Variants in RANBP9 observed in about 807,000 individuals in gnomAD.
RANBP9 encodes the protein ran-binding protein 9.
Under a neutral mutation model 84.3 loss-of-function variants are expected in RANBP9, and 15 were observed. The observed-to-expected ratio is 0.18, with a 90% CI of 0.12 to 0.27. The LOEUF is 0.27. Ranked by LOEUF, RANBP9 falls within the 10% of genes least tolerant of loss-of-function variation. The probability of loss-of-function intolerance (pLI) is 1.00; values close to 1 mark genes in which losing one functional copy is unlikely to be tolerated. For synonymous variants in RANBP9, 392 were observed against 349.6 expected (o/e 1.12, Z -1.35); for missense variants, 809 against 912.8 (o/e 0.89, Z 1.46).
At chr6:13,690,000 T>C (rs1766286076) in intron 2 of RANBP9, among the ~76,000 whole-genome samples, 1 of 152,204 alleles carries the variant, frequency 6.6e-6, no homozygotes. Flanking sequence ...AGCCCAGGTA[T>C]GTAGTAGGCT....
chr6:13,628,156 A>G (rs1173053067), intron 12 of RANBP9, among the ~76,000 whole-genome samples: 1 of 152,256 alleles, frequency 6.6e-6, no homozygotes, highest in Non-Finnish European at 1.5e-5. Flanking sequence ...CTAGAGAAGC[A>G]AACTGAGGCA....
intron 2 of RANBP9, among the ~76,000 whole-genome samples, chr6:13,692,508 C>G (rs1562320713): frequency 2.2e-5 from 2 of 89,000 alleles, no homozygotes; most frequent in African/African-American, 8.9e-5. Flanking sequence ...GCCTGGGCAA[C>G]AAGAGCGAAA....
chr6:13,637,345 T>C (rs1283473071), intron 10 of RANBP9, among the ~76,000 whole-genome samples: 1 of 151,484 alleles, frequency 6.6e-6, no homozygotes, highest in Admixed American at 6.6e-5. Flanking sequence ...TTTGTAAAGT[T>C]AGTTTTGAAC....
chr6:13,629,755 A>G (rs976020701), intron 12 of RANBP9, among the ~76,000 whole-genome samples: 1 of 152,234 alleles, frequency 6.6e-6, no homozygotes, highest in Non-Finnish European at 1.5e-5. Context: ...TGGAAGACGT[A>G]GGCAGATAAG....
intron 2 of RANBP9, among the ~76,000 whole-genome samples, chr6:13,669,609 C>T (rs147418550): frequency 5.9e-5 from 9 of 152,266 alleles, no homozygotes; most frequent in African/African-American, 9.6e-5. Flanking sequence ...TGTTGTTTTG[C>T]GACAAGTAAG....
chr6:13,678,682 A>G (rs1337781753), intron 2 of RANBP9, among the ~76,000 whole-genome samples: 1 of 152,126 alleles, frequency 6.6e-6, no homozygotes, highest in African/African-American at 2.4e-5. Flanking sequence ...AGGAAATCCC[A>G]ATACTCTGGC....
chr6:13,672,291 C>T (rs1008474195), intron 2 of RANBP9, among the ~76,000 whole-genome samples: 1 of 152,032 alleles, frequency 6.6e-6, no homozygotes, highest in Non-Finnish European at 1.5e-5. Flanking sequence ...TTTGAAGGTC[C>T]GTTCAGGAAC....
chr6:13,662,243 C>T (rs376254276), intron 2 of RANBP9, among the ~76,000 whole-genome samples: 2 of 152,122 alleles, frequency 1.3e-5, no homozygotes, highest in South Asian at 2.1e-4. Flanking sequence ...CACAATTACC[C>T]GACATACAAA....
intron 10 of RANBP9, among the ~76,000 whole-genome samples, 183 bp downstream of exon 10, chr6:13,637,625 T>A (rs1471522792): frequency 6.6e-6 from 1 of 152,176 alleles, no homozygotes; most frequent in Non-Finnish European, 1.5e-5. Context: ...AGAGCTCATG[T>A]GCATAATAGG....
intron 6 of RANBP9, 44 bp from the exon 7 acceptor site, chr6:13,642,635 T>C: frequency 1.5e-6 from 2 of 1,305,008 alleles, no homozygotes; most frequent in Non-Finnish European, 2.2e-6. Flanking sequence ...GTGAAGAGAA[T>C]ACATGCTTCA....
chr6:13,694,734 C>T (rs901711700), intron 2 of RANBP9, among the ~76,000 whole-genome samples: 1 of 152,194 alleles, frequency 6.6e-6, no homozygotes, highest in African/African-American at 2.4e-5. Flanking sequence ...GATTCAGTCC[C>T]GCCCTGTCCC....
rs1764814703 is a variant in RANBP9, at chr6:13,632,407, T to C, written c.1910A>G (p.Asp637Gly). 1.2e-6 allele frequency: 2 copies of C among 1,612,416 alleles called. No homozygotes were observed. Residue 637 changes from aspartate (D) to glycine (G), a missense_variant, in exon 12 of 14, where the codon GAC becomes GGC. Around this residue, in one of 5 missense-constraint regions of RANBP9, gnomAD observed 233 missense variants for 234.4 expected, o/e 0.99. Coordinates refer to ENST00000011619, the MANE Select transcript of RANBP9 (RefSeq NM_005493.3). The part of the protein sequence containing the change: ...LQAMSEQLRR[D>G]CGKNTANKKM... ...TTTGTTTGCAGTGTTCTTGCCACAG[T>C]CTCTCCTTAGCTGTTCACTCATTGC...
At chr6:13,625,317 G>T (rs368814390) in intron 13 of RANBP9, among the ~76,000 whole-genome samples, 19 of 152,144 alleles carry the variant, frequency 1.2e-4, no homozygotes, top group African/African-American at 4.3e-4. Flanking sequence ...TGGTAGGGTA[G>T]TATTTTGAAT....
At chr6:13,702,037 AG>A (rs1236722652) in intron 1 of RANBP9, among the ~76,000 whole-genome samples, 2 of 152,202 alleles carry the variant, frequency 1.3e-5, no homozygotes, top group East Asian at 3.8e-4. Flanking sequence ...CAATCTGTAA[AG>A]GGACAATGTC....
At chr6:13,674,218 A>G (rs1765837592) in intron 2 of RANBP9, among the ~76,000 whole-genome samples, 1 of 151,000 alleles carries the variant, frequency 6.6e-6, no homozygotes, top group Non-Finnish European at 1.5e-5. Context: ...ACCAATTAAA[A>G]GACAGAACTG....
At chr6:13,651,092 C>G (rs1002079558) in intron 5 of RANBP9, among the ~76,000 whole-genome samples, 1 of 152,100 alleles carries the variant, frequency 6.6e-6, no homozygotes, top group Non-Finnish European at 1.5e-5. Context: ...TAAAAAGAGA[C>G]ACATATTAAA....
At position 13,676,376 on chromosome 6, in the gene RANBP9, T is replaced by C. The variant is rs542179632; in HGVS notation, c.684-17544A>G. Among the ~76,000 whole-genome samples, 8 of 151,772 alleles carry C rather than the reference T, an allele frequency of 5.3e-5. No homozygotes were observed. In the South Asian group the frequency reaches 1.7e-3, roughly 31 times the overall value. On this transcript the variant is annotated intron_variant, in intron 2 of 13. Transcript: ENST00000011619. Reference sequence around the variant, plus strand: ...GCTTCAGGGTAATTCCAACCAAACATGTAAGGAAGAAATAACACAACTGTC... The same window carrying C: ...GCTTCAGGGTAATTCCAACCAAACACGTAAGGAAGAAATAACACAACTGTC...
At chr6:13,683,515 AT>A (rs1241272633) in intron 2 of RANBP9, among the ~76,000 whole-genome samples, 3 of 152,098 alleles carry the variant, frequency 2.0e-5, no homozygotes, top group East Asian at 3.9e-4. Flanking sequence ...CATGAGAATA[AT>A]TTTTTTTAAT....
chr6:13,667,355 T>C (rs1047745428), intron 2 of RANBP9, among the ~76,000 whole-genome samples: 2 of 152,222 alleles, frequency 1.3e-5, no homozygotes, highest in African/African-American at 4.8e-5. Context: ...GCTATACCTT[T>C]TGGCAGTATA....
Sources: gnomAD v4.1 joint callset for allele counts (sites outside exome capture counted in the v4.1 genomes callset) on GRCh38, gnomAD v4.1.1 for gene constraint, gnomAD v4.1.1 regional missense constraint, MANE v1.5 for transcripts, NCBI Gene and HGNC (gene_info 2026-07-23, HGNC 2026-07-21) for gene names.